MYO10: variants seen among roughly 807,000 people sequenced by gnomAD.
MYO10 encodes the protein myosin X.
A neutral mutation model predicts 257.3 loss-of-function variants in MYO10; 133 were observed. That is an observed-to-expected ratio of 0.52 (90% CI 0.45 to 0.60). The LOEUF is 0.60. MYO10 is among the 20% of genes least tolerant of loss of function. The pLI, the probability that MYO10 is intolerant of heterozygous loss-of-function variation, is 0.00. For missense variants in MYO10, 2,399 were observed against 2,635.7 expected, an observed-to-expected ratio of 0.91 and a Z score of 1.97; for synonymous variants, 1,104 against 1,028.6, an observed-to-expected ratio of 1.07 and a Z score of -1.40.
chr5:16,897,925 TACTCAAACTCTGCGG>T (rs1177899463), intron 1 of MYO10, among the ~76,000 whole-genome samples: 2 of 152,230 alleles, frequency 1.3e-5, no homozygotes, highest in Non-Finnish European at 2.9e-5. Flanking sequence ...TCAAGAGTGT[TACTCAAACTCTGCGG>T]ACCCTAATCA....
chr5:16,810,482 G>A (rs975169242), intron 3 of MYO10, among the ~76,000 whole-genome samples: 5 of 152,210 alleles, frequency 3.3e-5, no homozygotes, highest in African/African-American at 9.6e-5. Context: ...TTTTCTTAGA[G>A]AAATTCTCCT....
intron 1 of MYO10, among the ~76,000 whole-genome samples, chr5:16,916,943 C>T (rs1174913679): frequency 6.6e-6 from 1 of 151,912 alleles, no homozygotes; most frequent in Non-Finnish European, 1.5e-5. Flanking sequence ...CTAACGTCAG[C>T]CCCTTCAATC....
chr5:16,855,991 G>A (rs10520844), intron 2 of MYO10, among the ~76,000 whole-genome samples: 1,838 of 152,258 alleles, frequency 0.012, 36 homozygotes, highest in African/African-American at 0.041. Flanking sequence ...CCAGATGAAC[G>A]ACGGACTTTA....
chr5:16,781,151 C>T (rs1741410854), intron 6 of MYO10, among the ~76,000 whole-genome samples: 1 of 151,488 alleles, frequency 6.6e-6, no homozygotes, highest in African/African-American at 2.4e-5. Context: ...ACGATCTCGG[C>T]TCACTGCAAC....
rs575636664 is a variant in MYO10 at position 16,766,770 on chromosome 5, C to CTT, written c.1061-574_1061-573dup. Among the ~76,000 whole-genome samples, 549 of 127,390 alleles carry CTT rather than the reference C, an allele frequency of 4.3e-3. 4 individuals are homozygous for CTT. Among genetic ancestry groups the CTT allele is most frequent in the African/African-American group, 7.7e-3 (267 of 34,864 alleles). 83.6% of individuals were successfully genotyped at this position (127,390 alleles called of 152,430 possible). The stretch of plus-strand genomic sequence containing the variant: ...ATGAGCCACCATGCCCACCTACTTT[C>CTT]TTTTTTTTTTTTTTTTTGAGATGGA... On this transcript the variant is annotated intron_variant, in intron 10 of 40. Coordinates refer to ENST00000513610, the MANE Select transcript of MYO10 (RefSeq NM_012334.3).
At chr5:16,769,232 A>T (rs1740974327) in intron 9 of MYO10, 29 bp from the exon 10 acceptor site, 1 of 1,561,552 alleles carries the variant, frequency 6.4e-7, no homozygotes, top group Non-Finnish European at 8.6e-7. Flanking sequence ...ATTTAATTTT[A>T]TGTCGTTTTT....
chr5:16,809,110 A>C (rs769756220), intron 3 of MYO10, among the ~76,000 whole-genome samples: 1 of 152,124 alleles, frequency 6.6e-6, no homozygotes, highest in Non-Finnish European at 1.5e-5. Flanking sequence ...TTTAAAATAC[A>C]TATAGTCAGA....
intron 21 of MYO10, among the ~76,000 whole-genome samples, chr5:16,709,620 A>T (rs1738501226): frequency 6.6e-6 from 1 of 152,124 alleles, no homozygotes; most frequent in Non-Finnish European, 1.5e-5. Context: ...GTGAGCCTGG[A>T]AGATACCCTG....
intron 2 of MYO10, among the ~76,000 whole-genome samples, chr5:16,869,461 A>G (rs1744386659): frequency 6.6e-6 from 1 of 152,104 alleles, no homozygotes; most frequent in African/African-American, 2.4e-5. Context: ...CTGTAGTCCT[A>G]GCTACTCAGG....
At chr5:16,822,780 C>T (rs1742861710) in intron 2 of MYO10, among the ~76,000 whole-genome samples, 1 of 151,678 alleles carries the variant, frequency 6.6e-6, no homozygotes, top group Admixed American at 6.6e-5. Context: ...CTCCGCCTCC[C>T]AGGTTCAGGC....
In MYO10 at chr5:16,859,760, A is replaced by G. The variant is rs1580083262; in HGVS notation, c.120+17849T>C. Among the ~76,000 whole-genome samples, 6 of 152,210 alleles carry G rather than the reference A, an allele frequency of 3.9e-5. 2 individuals carry two copies. The South Asian group carries it at 1.2e-3, about 32-fold the overall frequency. On this transcript the variant is annotated intron_variant, in intron 2 of 40. Coordinates refer to ENST00000513610, the MANE Select transcript of MYO10 (RefSeq NM_012334.3). ...ACACTAACTCAAAATAATAATAATA[A>G]TAATTTTGGAGAAATACAAACATTC...
chr5:16,876,802 G>A (rs757366601), intron 2 of MYO10, among the ~76,000 whole-genome samples: 7 of 152,088 alleles, frequency 4.6e-5, no homozygotes, highest in African/African-American at 7.2e-5. Flanking sequence ...TGATCTGTCC[G>A]ACTCGGCCTC....
Position 16,754,853 on chromosome 5 carries a change from C to G in MYO10, c.1904G>C (p.Arg635Pro). Residue 635 changes from arginine to proline, a missense_variant, in exon 19 of 41, where the codon CGC (arginine) becomes CCC (proline). Arg to Pro is a moderately radical substitution (Grantham distance 103, BLOSUM62 -2). Around this residue, in one of 3 missense-constraint regions of MYO10, gnomAD observed 1,820 missense variants for 1,939.4 expected, o/e 0.94. Coordinates refer to ENST00000513610, the MANE Select transcript of MYO10 (RefSeq NM_012334.3). ...TLSSSNPFFV[R>P]CIKPNMQKMP... ...CTTCTGCATGTTTGGCTTGATACAG[C>G]GAACAAAGAAAGGATTAGAGGAGCT... 6.2e-7 allele frequency: 1 copy of G among 1,603,500 alleles called. No homozygotes were observed. Among genetic ancestry groups the G allele is most frequent in the Non-Finnish European group, 8.5e-7 (1 of 1,173,358 alleles).
chr5:16,718,238 A>G (rs1053399782), intron 19 of MYO10, among the ~76,000 whole-genome samples: 1 of 151,928 alleles, frequency 6.6e-6, no homozygotes, highest in Non-Finnish European at 1.5e-5. Context: ...CCTCCCACCC[A>G]CTCCATGGGC....
At chr5:16,872,778 C>T (rs1334529412) in intron 2 of MYO10, among the ~76,000 whole-genome samples, 1 of 152,122 alleles carries the variant, frequency 6.6e-6, no homozygotes, top group Non-Finnish European at 1.5e-5. Flanking sequence ...AATGAGGAAG[C>T]AAAAGCAGAA....
chr5:16,689,170 G>T (rs1737378192), intron 28 of MYO10, among the ~76,000 whole-genome samples: 1 of 152,124 alleles, frequency 6.6e-6, no homozygotes, highest in South Asian at 2.1e-4. Context: ...TATGGATGAT[G>T]GTAATAATTA....
intron 21 of MYO10, among the ~76,000 whole-genome samples, chr5:16,707,059 G>C (rs1430880362): frequency 3.9e-5 from 6 of 152,204 alleles, no homozygotes; most frequent in Admixed American, 2.6e-4. Context: ...TCTCACGACA[G>C]TGAATAAGTC....
In MYO10 at chr5:16,673,726, C is replaced by T. The variant is rs974829398; in HGVS notation, c.5128G>A (p.Gly1710Ser). Residue 1710 changes from glycine (G) to serine (S), a missense_variant, in exon 36 of 41, where the codon GGC becomes AGC. Physicochemically the swap from Gly to Ser is moderately conservative, Grantham distance 56 (BLOSUM62 0). Coordinates refer to ENST00000513610, the MANE Select transcript of MYO10 (RefSeq NM_012334.3). ...MTSTVYCHGG[G>S]SCKITINSHT... ...GAGTTGATGGTGATCTTGCAGGAGC[C>T]GCCGCCATGGCAATAGACCGTGGAT... 3.1e-6 allele frequency: 5 copies of T among 1,613,786 alleles called. No homozygotes were observed. The highest frequency in any genetic ancestry group is 2.2e-5 in the East Asian group (1 of 44,886).
intron 2 of MYO10, among the ~76,000 whole-genome samples, chr5:16,823,454 G>GGC (rs1554000162): frequency 4.7e-5 from 1 of 21,312 alleles, no homozygotes; most frequent in African/African-American, 1.3e-4. Context: ...TGCGCGGGGG[G>GGC]GGGGGGAGTG....
Sources: gnomAD v4.1 joint callset for allele counts (sites outside exome capture counted in the v4.1 genomes callset) on GRCh38, gnomAD v4.1.1 for gene constraint, gnomAD v4.1.1 regional missense constraint, MANE v1.5 for transcripts, NCBI Gene and HGNC (gene_info 2026-07-23, HGNC 2026-07-21) for gene names.